Variants in CDH12 observed in about 807,000 individuals in gnomAD.
The protein encoded by CDH12 is cadherin-12.
A neutral mutation model predicts 74.1 loss-of-function variants in CDH12; 41 were observed. That is an observed-to-expected ratio of 0.55 (90% confidence interval 0.43 to 0.72). CDH12 has a LOEUF of 0.72. Ranked by LOEUF, CDH12 falls within the 30% of genes least tolerant of loss-of-function variation. CDH12 has a pLI of 0.00. For synonymous variants in CDH12, 399 were observed against 355.0 expected (o/e 1.12, Z -1.39); for missense variants, 945 against 977.2 (o/e 0.97, Z 0.44).
chr5:22,746,341 C>T (rs1367582345), intron 1 of CDH12, among the ~76,000 whole-genome samples: 3 of 152,138 alleles, frequency 2.0e-5, no homozygotes, highest in Non-Finnish European at 4.4e-5. Flanking sequence ...AGAAGGTCAC[C>T]TTCTCACCTT....
intron 1 of CDH12, among the ~76,000 whole-genome samples, chr5:22,749,873 G>A (rs941334181): frequency 6.6e-5 from 10 of 152,142 alleles, no homozygotes; most frequent in African/African-American, 1.7e-4. Context: ...GATACATTAC[G>A]TTTTCGTATG....
chr5:22,706,709 C>T (rs1743026412), intron 1 of CDH12, among the ~76,000 whole-genome samples: 1 of 151,978 alleles, frequency 6.6e-6, no homozygotes, highest in African/African-American at 2.4e-5. Context: ...CTAGAATGAA[C>T]ATCTTTGTAT....
intron 1 of CDH12, among the ~76,000 whole-genome samples, chr5:22,838,352 C>T (rs80287842): frequency 6.6e-6 from 1 of 152,110 alleles, no homozygotes; most frequent in Non-Finnish European, 1.5e-5. Context: ...CACCTGCACC[C>T]GTGCTTCAGG....
chr5:21,898,831 T>C (rs1225822854), intron 6 of CDH12, among the ~76,000 whole-genome samples: 1 of 152,138 alleles, frequency 6.6e-6, no homozygotes, highest in African/African-American at 2.4e-5. Flanking sequence ...GATGTAATCA[T>C]GAAGAAAGGA....
intron 2 of CDH12, among the ~76,000 whole-genome samples, chr5:22,443,779 C>A (rs547284740): frequency 1.3e-5 from 2 of 151,990 alleles, no homozygotes; most frequent in Admixed American, 6.6e-5. Context: ...ATTCCAAATT[C>A]TTTTTTGGTT....
At chr5:22,057,706 G>T (rs948937317) in intron 5 of CDH12, among the ~76,000 whole-genome samples, 1 of 152,070 alleles carries the variant, frequency 6.6e-6, no homozygotes. Flanking sequence ...ATGGACATTT[G>T]CTACTTGAAA....
intron 3 of CDH12, among the ~76,000 whole-genome samples, chr5:22,357,937 G>A (rs1740631675): frequency 6.6e-6 from 1 of 152,094 alleles, no homozygotes; most frequent in South Asian, 2.1e-4. Flanking sequence ...AAATTCATGA[G>A]CATTTCTGTT....
In CDH12 at chr5:22,295,345, A is replaced by T. The variant is rs536219828; in HGVS notation, c.-332-82702T>A. 4.6e-5 allele frequency among the ~76,000 whole-genome samples: 7 copies of T among 152,290 alleles called. No individual in the cohort carries two copies. In the East Asian group the frequency reaches 9.6e-4, roughly 21 times the overall value. On this transcript the variant is annotated intron_variant, in intron 3 of 14. Coordinates refer to ENST00000382254, the MANE Select transcript of CDH12 (RefSeq NM_004061.5). ...TTAAAATCCACAATTTTCTTATTTC[A>T]AACTTTAGAATTGATAAATTTAAGT...
At chr5:22,017,854 A>G (rs569639101) in intron 5 of CDH12, among the ~76,000 whole-genome samples, 328 of 151,142 alleles carry the variant, frequency 2.2e-3, no homozygotes, top group Non-Finnish European at 3.5e-3. Flanking sequence ...CTGCCTCCCG[A>G]GTTCAAGCAA....
intron 1 of CDH12, among the ~76,000 whole-genome samples, chr5:22,836,253 T>TCG (rs1328225744): frequency 1.2e-4 from 14 of 120,704 alleles, no homozygotes; most frequent in Non-Finnish European, 2.0e-4. Flanking sequence ...AGACAGAGTC[T>TCG]CGCTCTGTTG....
At chr5:22,301,630 T>C (rs1020174023) in intron 3 of CDH12, among the ~76,000 whole-genome samples, 1 of 152,174 alleles carries the variant, frequency 6.6e-6, no homozygotes, top group South Asian at 2.1e-4. Context: ...ATCCCCTTTT[T>C]ATTTTTTAAT....
chr5:22,250,223 G>C (rs1753090830), intron 3 of CDH12, among the ~76,000 whole-genome samples: 1 of 151,804 alleles, frequency 6.6e-6, no homozygotes, highest in South Asian at 2.1e-4. Flanking sequence ...GCTGTGCAAG[G>C]AAAAAAACCC....
chr5:22,815,332 A>G (rs942795781), intron 1 of CDH12, among the ~76,000 whole-genome samples: 2 of 152,230 alleles, frequency 1.3e-5, no homozygotes, highest in Non-Finnish European at 2.9e-5. Flanking sequence ...AGGCATGGAA[A>G]GTAGAGATGT....
intron 11 of CDH12, among the ~76,000 whole-genome samples, chr5:21,769,023 G>A (rs1312972839): frequency 6.6e-6 from 1 of 151,954 alleles, no homozygotes; most frequent in Non-Finnish European, 1.5e-5. Flanking sequence ...AATGTTACAA[G>A]GCTATCTCAA....
Position 21,884,221 on chromosome 5 carries a change from T to C in CDH12, c.527-29431A>G, listed in dbSNP as rs903721562. 1.9e-6 allele frequency: 3 copies of C among 1,547,406 alleles called. No homozygotes were observed. The African/African-American group carries it at 4.1e-5, about 21-fold the overall frequency. On this transcript the variant is annotated intron_variant, in intron 6 of 14. Transcript: ENST00000382254. ...GCCTCTCTGTTAACTACAGCAGAAG[T>C]TGTAGTCACAGAAATTCCTAAAGAA... is the stretch of plus-strand genomic sequence containing the variant.
intron 2 of CDH12, among the ~76,000 whole-genome samples, chr5:22,415,929 G>A (rs1198556831): frequency 1.3e-5 from 2 of 151,856 alleles, no homozygotes; most frequent in East Asian, 1.9e-4. Context: ...ATTGAACTAC[G>A]AAAGCAGAGA....
chr5:22,593,012 A>G (rs908539535), intron 1 of CDH12, among the ~76,000 whole-genome samples: 5 of 147,634 alleles, frequency 3.4e-5, no homozygotes, highest in Non-Finnish European at 5.9e-5. Context: ...CCTGAGTGAC[A>G]GAGAGAGACT....
At chr5:22,301,791 C>T (rs1172408228) in intron 3 of CDH12, among the ~76,000 whole-genome samples, 1 of 151,838 alleles carries the variant, frequency 6.6e-6, no homozygotes, top group Non-Finnish European at 1.5e-5. Context: ...GCCACCATGC[C>T]CAGCTTATTT....
At chr5:21,929,199 T>C (rs1223460725) in intron 6 of CDH12, among the ~76,000 whole-genome samples, 1 of 152,062 alleles carries the variant, frequency 6.6e-6, no homozygotes, top group African/African-American at 2.4e-5. Flanking sequence ...AATTCTTCCA[T>C]GGATGGTGGG....
Sources: allele counts gnomAD v4.1 joint callset (sites outside exome capture counted in the v4.1 genomes callset), GRCh38; gene constraint gnomAD v4.1.1; transcripts MANE v1.5; gene names NCBI Gene and HGNC (gene_info 2026-07-23, HGNC 2026-07-21).